Variants in PTCH2 observed in about 807,000 individuals in gnomAD.
The protein encoded by PTCH2 is protein patched homolog 2.
PTCH2 carries 96 observed loss-of-function variants against 117.9 expected under a neutral mutation model. That is an observed-to-expected ratio of 0.81 (90% confidence interval 0.69 to 0.96). PTCH2 has a LOEUF of 0.96. Ranked by LOEUF, PTCH2 falls within the 50% of genes least tolerant of loss-of-function variation. The pLI, the probability that PTCH2 is intolerant of heterozygous loss-of-function variation, is 0.00. For synonymous variants in PTCH2, 615 were observed against 660.9 expected (o/e 0.93, Z 1.06); for missense variants, 1,379 against 1,562.5 (o/e 0.88, Z 1.98).
chr1:44,831,125 C>A lies in PTCH2; in HGVS notation c.618-82G>T. On this transcript the variant is annotated intron_variant, in intron 5 of 21. Coordinates refer to ENST00000372192, the MANE Select transcript of PTCH2 (RefSeq NM_003738.5). This position sits in a 1 kb window ranked among gnomAD's most constrained non-coding sequence, Gnocchi z 4.3. ...TGCTGCTGGGGCGCCATGCTGTACC[C>A]CACCCTCCTCTTATCTGCCGATTTG... 1 of 1,342,748 alleles carries A rather than the reference C, an allele frequency of 7.4e-7. No individual in the cohort carries two copies. Among genetic ancestry groups the A allele is most frequent in the Non-Finnish European group, 1.0e-6 (1 of 964,736 alleles). 83.2% of individuals were successfully genotyped at this position (1,342,748 alleles called of 1,614,324 possible).
chr1:44,839,572 C>T (rs1243072519), intron 2 of PTCH2, among the ~76,000 whole-genome samples: 2 of 151,940 alleles, frequency 1.3e-5, no homozygotes, highest in Non-Finnish European at 1.5e-5. Context: ...GATGAGGAAA[C>T]ATGGAGGCTC....
At chr1:44,838,864 C>T (rs1349859292) in intron 2 of PTCH2, among the ~76,000 whole-genome samples, 6 of 151,976 alleles carry the variant, frequency 3.9e-5, no homozygotes, top group South Asian at 2.1e-4. Flanking sequence ...GGACTACAGG[C>T]GCGAACCACC....
Position 44,831,852 on chromosome 1 carries a change from C to T in PTCH2, c.526-55G>A, listed in dbSNP as rs1489053277. 3.8e-6 allele frequency: 6 copies of T among 1,589,494 alleles called. No homozygotes were observed. The highest frequency in any genetic ancestry group is 5.2e-6 in the Non-Finnish European group (6 of 1,157,712). On this transcript the variant is annotated intron_variant, in intron 4 of 21. Coordinates refer to ENST00000372192, the MANE Select transcript of PTCH2 (RefSeq NM_003738.5). This position sits in a 1 kb window ranked among gnomAD's most constrained non-coding sequence, Gnocchi z 4.3. ...CCTGCCCCACAACCTTTGTAGGATGCCCTCTGCAATCCCCCTCCTTAGTTT... is the reference window on the plus strand; with the variant it reads ...CCTGCCCCACAACCTTTGTAGGATGTCCTCTGCAATCCCCCTCCTTAGTTT...
intron 21 of PTCH2, 106 bp from the exon 22 acceptor site, chr1:44,822,775 G>T: frequency 8.0e-7 from 1 of 1,245,540 alleles, no homozygotes; most frequent in Non-Finnish European, 1.2e-6. Context: ...TGGGGCCCTT[G>T]TTGGTCTCCA....
At position 44,831,664 on chromosome 1, in the gene PTCH2, C is replaced by A. The variant is rs1283863270; in HGVS notation, c.617+42G>T. On this transcript the variant is annotated intron_variant, in intron 5 of 21. Coordinates refer to ENST00000372192, the MANE Select transcript of PTCH2 (RefSeq NM_003738.5). This position sits in a 1 kb window ranked among gnomAD's most constrained non-coding sequence, Gnocchi z 4.3. ...GACCCCTCCTTTCTGCTGGGAGAGT[C>A]CCCAGCGGGAGATGAAGCAGGGCCC... The A allele has an allele frequency of 2.0e-6, 3 of 1,497,264 alleles. No individual in the cohort carries two copies. The East Asian group carries it at 7.4e-5, about 37-fold the overall frequency. 92.7% of individuals were successfully genotyped at this position (1,497,264 alleles called of 1,614,324 possible).
At chr1:44,820,764 G>A (rs1047268826), downstream of PTCH2, 1 of 716,740 alleles carries the variant, frequency 1.4e-6, no homozygotes. Flanking sequence ...GGGTTACTCC[G>A]CTGGTAAGTG....
downstream of PTCH2, chr1:44,820,664 G>C (rs560944695): frequency 5.3e-5 from 38 of 716,762 alleles, no homozygotes; most frequent in African/African-American, 5.8e-4. Flanking sequence ...GTCTGATGAG[G>C]GGGTGCTGGG....
chr1:44,821,542 G>A (rs370516925), downstream of PTCH2, among the ~76,000 whole-genome samples: 8 of 152,230 alleles, frequency 5.3e-5, no homozygotes, highest in South Asian at 1.7e-3. Flanking sequence ...CCTCCACCTC[G>A]CCTTCCACCT....
chr1:44,827,372 C>A (rs760433593), intron 15 of PTCH2, 30 bp downstream of exon 15: 3 of 1,613,536 alleles, frequency 1.9e-6, no homozygotes, highest in Non-Finnish European at 2.5e-6. Flanking sequence ...CCCTGCAGCA[C>A]CCCTCCCTGC....
Position 44,829,618 on chromosome 1 carries a change from A to C in PTCH2, c.1079T>G (p.Val360Gly), listed in dbSNP as rs1653337959. The change falls in exon 8 of 22, where the codon GTG (valine) becomes GGG (glycine). Residue 360 changes from valine to glycine, a missense_variant. By Grantham distance (109) the Val-to-Gly change is moderately radical. Transcript: ENST00000372192. ...TVLQAWQRRF[V>G]QLAQEALPEN... ...CTTGTCCTTGTCCATACCGACCTGC[A>C]CAAAGCGCCGCTGCCAGGCTTGTAG... 1.2e-6 allele frequency: 2 copies of C among 1,614,108 alleles called. No individual in the cohort carries two copies. Among genetic ancestry groups the C allele is most frequent in the African/African-American group, 1.3e-5 (1 of 74,934 alleles).
Position 44,843,156 on chromosome 1 carries a change from G to A in PTCH2, c.-224C>T, listed in dbSNP as rs1307033264. 2 of 1,268,614 alleles carry A rather than the reference G, an allele frequency of 1.6e-6. No individual in the cohort carries two copies. 78.6% of individuals were successfully genotyped at this position (1,268,614 alleles called of 1,614,324 possible). On this transcript the variant is annotated 5_prime_UTR_variant, in exon 1 of 22. It adds an upstream start codon to the 5' untranslated region. Coordinates refer to ENST00000372192, the MANE Select transcript of PTCH2 (RefSeq NM_003738.5). ...CGCGGCGCCGGGATTCACCCGCTCCGTGGGCCGTGGGCCGCGGCGGCTGGA... is the reference window on the plus strand; with the variant it reads ...CGCGGCGCCGGGATTCACCCGCTCCATGGGCCGTGGGCCGCGGCGGCTGGA...
rs1653135536 is a variant in PTCH2 at position 44,826,227 on chromosome 1, C to G, written c.3114+23G>C. On this transcript the variant is annotated intron_variant, in intron 19 of 21. Coordinates refer to ENST00000372192, the MANE Select transcript of PTCH2 (RefSeq NM_003738.5). The surrounding 1 kb of genome is among the most constrained non-coding windows in gnomAD (Gnocchi z 5.1). ...GAATACTGAATCAGCTGATTGGTCC[C>G]TCCCCGGGGTGCCCGTGCTCACCAG... 6.2e-7 allele frequency: 1 copy of G among 1,612,416 alleles called. No individual in the cohort carries two copies. Among genetic ancestry groups the G allele is most frequent in the Non-Finnish European group, 8.5e-7 (1 of 1,179,398 alleles).
chr1:44,842,351 C>T (rs1653989961), intron 1 of PTCH2, among the ~76,000 whole-genome samples: 1 of 144,866 alleles, frequency 6.9e-6, no homozygotes, highest in South Asian at 2.2e-4. Flanking sequence ...GTGATCTCGG[C>T]TGACTGCAAC....
chr1:44,827,054 TC>T lies in PTCH2; in HGVS notation c.2542del (p.Glu848ArgfsTer3). 6.2e-7 allele frequency: 1 copy of T among 1,614,090 alleles called. No individual in the cohort carries two copies. The highest frequency in any genetic ancestry group is 1.7e-5 in the Admixed American group (1 of 60,022). ...QLTTRKLVDR[E>X]GLIPPELFYM... ...GAAGAGCTCGGGTGGAATCAGTCCCTCTCTGTCCACCAGCTTCCTTGTGGTC... is the reference window on the plus strand; with the variant it reads ...GAAGAGCTCGGGTGGAATCAGTCCCTTCTGTCCACCAGCTTCCTTGTGGTC... On this transcript the variant is annotated frameshift_variant, in exon 17 of 22. Transcript: ENST00000372192. LOFTEE classifies it high-confidence loss of function.
chr1:44,841,850 C>T lies in PTCH2; in HGVS notation c.262G>A (p.Glu88Lys). Residue 88 changes from glutamate to lysine, a missense_variant, in exon 2 of 22, where the codon GAA (glutamate) becomes AAA (lysine). Transcript: ENST00000372192. ...IETNLEQLWV[E>K]VGSRVSQELH... ...ATGGCCAGTGTCCACAACTTACCTT[C>T]TACCCAGAGCTGTTCCAAGTTTGTC... 6.2e-7 allele frequency: 1 copy of T among 1,614,158 alleles called. No individual in the cohort carries two copies. The highest frequency in any genetic ancestry group is 8.5e-7 in the Non-Finnish European group (1 of 1,179,994).
intron 2 of PTCH2, among the ~76,000 whole-genome samples, chr1:44,840,068 C>G (rs1202935734): frequency 6.6e-6 from 1 of 151,260 alleles, no homozygotes; most frequent in Non-Finnish European, 1.5e-5. Context: ...CCATATGAAA[C>G]CAGCCCTCAG....
chr1:44,827,131 C>A (rs1213723757), intron 16 of PTCH2, 36 bp downstream of exon 16: 2 of 1,613,844 alleles, frequency 1.2e-6, no homozygotes, highest in Non-Finnish European at 1.7e-6. Flanking sequence ...GGCCTGCAGC[C>A]CCTGTACTAG....
In PTCH2 at chr1:44,825,908, C is replaced by G. The variant is rs531442798; in HGVS notation, c.3114+342G>C. 2.1e-5 allele frequency among the ~76,000 whole-genome samples: 3 copies of G among 143,850 alleles called. No individual in the cohort carries two copies. In the East Asian group the frequency reaches 6.2e-4, roughly 30 times the overall value. The allele number at this position is 143,850 out of a possible 152,430, so 94.4% of individuals were successfully genotyped here. ...TGTTGCCCAGGCTGGAGTGCAATGG[C>G]ACGATCTCAGCTCACTGCAACCTTC... On this transcript the variant is annotated intron_variant, in intron 19 of 21. Coordinates refer to ENST00000372192, the MANE Select transcript of PTCH2 (RefSeq NM_003738.5).
Position 44,823,344 on chromosome 1 carries a change from G to A in PTCH2, c.3156C>T (p.Ala1052=). 1 of 1,614,234 alleles carries A rather than the reference G, an allele frequency of 6.2e-7. No individual in the cohort carries two copies. ...TTQGSRNLRA[A]HALEHTFAPV... ...GGGCAAATGTGTGCTCAAGGGCATG[G>A]GCGGCCCGCAGGTTCCGGCTGCCCT... The change falls in exon 20 of 22, where the codon GCC becomes GCT. Residue 1052 remains alanine, a synonymous_variant. Coordinates refer to ENST00000372192, the MANE Select transcript of PTCH2 (RefSeq NM_003738.5). This position sits in a 1 kb window ranked among gnomAD's most constrained non-coding sequence, Gnocchi z 5.1.
Sources: gnomAD v4.1 joint callset for allele counts (sites outside exome capture counted in the v4.1 genomes callset) on GRCh38, gnomAD v4.1.1 for gene constraint, Gnocchi (gnomAD v3.1) non-coding constraint, MANE v1.5 for transcripts, NCBI Gene and HGNC (gene_info 2026-07-23, HGNC 2026-07-21) for gene names.